The following SIPA1L1 variants were observed in gnomAD, a reference collection of about 807,000 sequenced individuals.
SIPA1L1 encodes signal induced proliferation associated 1 like 1, also known as signal-induced proliferation-associated 1-like protein 1.
A neutral mutation model predicts 162.7 loss-of-function variants in SIPA1L1; 26 were observed. The ratio of observed to expected loss-of-function variants is 0.16; its 90% confidence interval spans 0.12 to 0.22. The LOEUF is 0.22. Among genes scored for constraint, SIPA1L1 ranks in the 10% least tolerant of loss-of-function variants. SIPA1L1 has a pLI of 1.00. For synonymous variants in SIPA1L1, 829 were observed against 837.4 expected (o/e 0.99, Z 0.17); for missense variants, 1,874 against 2,241.0 (o/e 0.84, Z 3.31).
chr14:71,375,658 G>T (rs2039306824), intron 2 of SIPA1L1, among the ~76,000 whole-genome samples: 1 of 152,166 alleles, frequency 6.6e-6, no homozygotes, highest in East Asian at 1.9e-4. Context: ...CTCTTCTCAG[G>T]AGAAAATAAT....
At chr14:71,686,885 C>T (rs896990637) in intron 13 of SIPA1L1, among the ~76,000 whole-genome samples, 1 of 152,186 alleles carries the variant, frequency 6.6e-6, no homozygotes, top group East Asian at 1.9e-4. Flanking sequence ...GAGCCTGACT[C>T]ATCTGAGTGG....
At chr14:71,534,708 T>A (rs1480679678) in intron 4 of SIPA1L1, among the ~76,000 whole-genome samples, 1 of 152,234 alleles carries the variant, frequency 6.6e-6, no homozygotes, top group Non-Finnish European at 1.5e-5. Flanking sequence ...TATTTCTATC[T>A]GAATATTTGG....
At chr14:71,360,356 A>G (rs1369184020) in intron 2 of SIPA1L1, among the ~76,000 whole-genome samples, 2 of 152,242 alleles carry the variant, frequency 1.3e-5, no homozygotes, top group African/African-American at 4.8e-5. Flanking sequence ...AGAAAATACT[A>G]TAGAAATCAG....
intron 2 of SIPA1L1, among the ~76,000 whole-genome samples, chr14:71,331,561 A>T (rs1395981693): frequency 6.6e-6 from 1 of 152,194 alleles, no homozygotes; most frequent in Non-Finnish European, 1.5e-5. Flanking sequence ...TGGCTTGGGA[A>T]AGCTTCAAAA....
chr14:71,645,608 A>G (rs1380451794), intron 7 of SIPA1L1, among the ~76,000 whole-genome samples: 1 of 152,208 alleles, frequency 6.6e-6, no homozygotes, highest in African/African-American at 2.4e-5. Context: ...CTGCTTCATC[A>G]AGGACATTCT....
At chr14:71,469,267 A>G (rs1168092167) in intron 2 of SIPA1L1, among the ~76,000 whole-genome samples, 3 of 152,148 alleles carry the variant, frequency 2.0e-5, no homozygotes, top group African/African-American at 4.8e-5. Context: ...GCATCACTCT[A>G]GTGCTTAGTT....
chr14:71,490,154 C>G (rs912037056), intron 2 of SIPA1L1, among the ~76,000 whole-genome samples: 1 of 151,992 alleles, frequency 6.6e-6, no homozygotes, highest in African/African-American at 2.4e-5. Flanking sequence ...CCTAAAATTT[C>G]AACTAAAATT....
chr14:71,354,297 T>G (rs868322728), intron 2 of SIPA1L1, among the ~76,000 whole-genome samples: 7 of 151,084 alleles, frequency 4.6e-5, no homozygotes, highest in Middle Eastern at 6.8e-3. Context: ...TTTTTTTTTT[T>G]GAGATGGAGT....
At position 71,671,592 on chromosome 14, in the gene SIPA1L1, C is replaced by A; in HGVS notation, c.2729C>A (p.Thr910Asn). 6.2e-7 allele frequency: 1 copy of A among 1,614,184 alleles called. No individual in the cohort carries two copies. The highest frequency in any genetic ancestry group is 1.1e-5 in the South Asian group (1 of 91,088). ...AGAGATGTGATAGGGTGGACTTCAA[C>A]TGACACCAGCCTCAAAATCTTCTAT... is the stretch of plus-strand genomic sequence containing the variant. ...SCRDVIGWTSTDTSLKIFYER... is the reference protein window; with the variant it reads ...SCRDVIGWTSNDTSLKIFYER... Residue 910 changes from threonine to asparagine, a missense_variant, in exon 11 of 24, where the codon ACT becomes AAT. This residue lies in a region of SIPA1L1 where 243 missense variants were observed against 315.0 expected (regional missense o/e 0.77). Coordinates refer to ENST00000381232, the MANE Select transcript of SIPA1L1 (RefSeq NM_001386936.1).
At chr14:71,568,932 T>G (rs1334434277) in intron 4 of SIPA1L1, among the ~76,000 whole-genome samples, 1 of 152,240 alleles carries the variant, frequency 6.6e-6, no homozygotes, top group African/African-American at 2.4e-5. Flanking sequence ...ATTCATAATG[T>G]TTCTTTCCTT....
At chr14:71,728,345 C>T (rs568264008) in intron 19 of SIPA1L1, among the ~76,000 whole-genome samples, 35 of 152,362 alleles carry the variant, frequency 2.3e-4, no homozygotes, top group African/African-American at 8.2e-4. Flanking sequence ...TTATCACTTT[C>T]ATTCCAAGTT....
chr14:71,684,550 C>A (rs1218384912), intron 12 of SIPA1L1, among the ~76,000 whole-genome samples: 1 of 152,246 alleles, frequency 6.6e-6, no homozygotes, highest in Non-Finnish European at 1.5e-5. Flanking sequence ...GTAAGCTGCT[C>A]GTACACCCTT....
chr14:71,678,848 C>T (rs1248574851), intron 12 of SIPA1L1, among the ~76,000 whole-genome samples: 2 of 151,678 alleles, frequency 1.3e-5, no homozygotes, highest in African/African-American at 4.9e-5. Flanking sequence ...GATTCAACTT[C>T]TTCCTGGTTT....
At chr14:71,678,360 A>G (rs1157993285) in intron 12 of SIPA1L1, among the ~76,000 whole-genome samples, 2 of 152,170 alleles carry the variant, frequency 1.3e-5, no homozygotes, top group East Asian at 1.9e-4. Context: ...AGGGCTGTTG[A>G]ATTTTGTCAG....
chr14:71,337,924 C>T (rs1284962309), intron 2 of SIPA1L1, among the ~76,000 whole-genome samples: 2 of 152,134 alleles, frequency 1.3e-5, no homozygotes, highest in East Asian at 3.9e-4. Flanking sequence ...CCAGCCTGGG[C>T]AGCAGAGTGA....
At position 71,618,950 on chromosome 14, in the gene SIPA1L1, A is replaced by G. The variant is rs559450365; in HGVS notation, c.1629+63A>G. ...AATGGGGAAGAAAGCAAATAGTAGC[A>G]GTAGCAAAGCAATTAAATTTAATAG... is the stretch of plus-strand genomic sequence containing the variant. On this transcript the variant is annotated intron_variant, in intron 6 of 23. Transcript: ENST00000381232. 3.2e-6 allele frequency: 5 copies of G among 1,558,618 alleles called. No individual in the cohort carries two copies. In the African/African-American group the frequency reaches 5.4e-5, roughly 17 times the overall value.
At chr14:71,410,628 G>A (rs1480348470) in intron 2 of SIPA1L1, among the ~76,000 whole-genome samples, 4 of 152,108 alleles carry the variant, frequency 2.6e-5, no homozygotes, top group Non-Finnish European at 5.9e-5. Flanking sequence ...CATTTCCTTT[G>A]AGCACTAAAA....
At chr14:71,590,798 G>A (rs1020117806) in intron 5 of SIPA1L1, among the ~76,000 whole-genome samples, 1 of 152,128 alleles carries the variant, frequency 6.6e-6, no homozygotes, top group Non-Finnish European at 1.5e-5. Context: ...GGCATTTGGG[G>A]GTGCGATGAT....
chr14:71,360,836 G>A (rs1242816142), intron 2 of SIPA1L1, among the ~76,000 whole-genome samples: 2 of 152,088 alleles, frequency 1.3e-5, no homozygotes, highest in Non-Finnish European at 2.9e-5. Flanking sequence ...TACATTAGAG[G>A]AAATTAATGA....
Sources: gnomAD v4.1 joint callset for allele counts (sites outside exome capture counted in the v4.1 genomes callset) on GRCh38, gnomAD v4.1.1 for gene constraint, gnomAD v4.1.1 regional missense constraint, MANE v1.5 for transcripts, NCBI Gene and HGNC (gene_info 2026-07-23, HGNC 2026-07-21) for gene names.